The following MMP26 variants were observed in gnomAD, a reference collection of about 807,000 sequenced individuals.
MMP26 encodes matrix metallopeptidase 26.
Under a neutral mutation model 31.0 loss-of-function variants are expected in MMP26, and 33 were observed. The observed-to-expected ratio is 1.06, with a 90% CI of 0.81 to 1.42. MMP26 has a LOEUF of 1.42. MMP26 is among the 40% of genes most tolerant of loss of function. The probability of loss-of-function intolerance (pLI) is 0.00; values close to 1 mark genes in which losing one functional copy is unlikely to be tolerated. For missense variants in MMP26, 347 were observed against 316.1 expected (o/e 1.10, Z -0.74); for synonymous variants, 122 against 114.9 (o/e 1.06, Z -0.40).
At chr11:4,908,414 G>C in intron 2 of MMP26, 1 of 954,744 alleles carries the variant, frequency 1.0e-6, no homozygotes, top group South Asian at 1.4e-5. Flanking sequence ...GATGATGGAA[G>C]TGAAAAGCTA....
In MMP26 at chr11:4,899,627, A is replaced by T. The variant is rs112807487; in HGVS notation, c.-144-88441A>T. ...GAGACAACCAGTCAGCTATCTGGGTACTGAACATATTCTTCCATTCCTTCA... is the reference window on the plus strand; with the variant it reads ...GAGACAACCAGTCAGCTATCTGGGTTCTGAACATATTCTTCCATTCCTTCA... On this transcript the variant is annotated intron_variant, in intron 2 of 7. Coordinates refer to ENST00000380390, the MANE Select transcript of MMP26 (RefSeq NM_021801.5). Among the ~76,000 whole-genome samples the T allele has an allele frequency of 5.4e-3, 819 of 152,242 alleles. 13 individuals carry two copies. The highest frequency in any genetic ancestry group is 0.019 in the African/African-American group (773 of 41,548).
intron 2 of MMP26, chr11:4,875,916 C>G (rs1426922199): frequency 1.3e-5 from 2 of 152,140 alleles, no homozygotes; most frequent in East Asian, 3.9e-4. Flanking sequence ...CCCTTTAGTA[C>G]TCACAGACTC....
At chr11:4,977,008 ACCT>A (rs1564818067) in intron 2 of MMP26, among the ~76,000 whole-genome samples, 1 of 152,006 alleles carries the variant, frequency 6.6e-6, no homozygotes, top group Non-Finnish European at 1.5e-5. Flanking sequence ...GTTTAAGAGC[ACCT>A]GAATTTATTT....
At chr11:4,811,026 C>G (rs1361751121) in intron 2 of MMP26, among the ~76,000 whole-genome samples, 1 of 152,108 alleles carries the variant, frequency 6.6e-6, no homozygotes, top group Non-Finnish European at 1.5e-5. Flanking sequence ...TGGTAATGAT[C>G]AAGGTCACAA....
intron 1 of MMP26, among the ~76,000 whole-genome samples, chr11:4,763,645 G>C (rs1848594729): frequency 6.6e-6 from 1 of 152,144 alleles, no homozygotes; most frequent in Non-Finnish European, 1.5e-5. Context: ...ATATGTTATA[G>C]TGTTGATAAA....
At chr11:4,945,796 C>A in intron 2 of MMP26, 2 of 278,086 alleles carry the variant, frequency 7.2e-6, no homozygotes, top group South Asian at 4.2e-5. Context: ...AAAGAGACAG[C>A]TAATTTAGGT....
At chr11:4,730,000 T>TTTTTTTTTTTTTG (rs1848152063) in intron 1 of MMP26, among the ~76,000 whole-genome samples, 1 of 151,490 alleles carries the variant, frequency 6.6e-6, no homozygotes, top group Non-Finnish European at 1.5e-5. Context: ...CTCATTTTTG[T>TTTTTTTTTTTTTG]AGCTGGTCAT....
intron 2 of MMP26, among the ~76,000 whole-genome samples, chr11:4,811,893 G>C (rs1257656541): frequency 2.6e-5 from 4 of 152,100 alleles, no homozygotes; most frequent in African/African-American, 4.8e-5. Context: ...GAATTTTTCT[G>C]ATTGATCTTC....
intron 2 of MMP26, among the ~76,000 whole-genome samples, chr11:4,861,306 A>G (rs1002967047): frequency 2.7e-5 from 4 of 150,686 alleles, no homozygotes; most frequent in Non-Finnish European, 5.9e-5. Flanking sequence ...AAGTATATAC[A>G]TATATGCTTC....
chr11:4,961,477 T>C (rs1378241645), intron 2 of MMP26, among the ~76,000 whole-genome samples: 1 of 152,208 alleles, frequency 6.6e-6, no homozygotes, highest in Admixed American at 6.5e-5. Context: ...ACCAGGTTTC[T>C]AGCTATTCCT....
chr11:4,865,596 C>T (rs903389320), intron 2 of MMP26, among the ~76,000 whole-genome samples: 11 of 152,080 alleles, frequency 7.2e-5, no homozygotes, highest in Non-Finnish European at 7.4e-5. Context: ...CCTCCTCCTC[C>T]TCCTCCTCCT....
intron 2 of MMP26, among the ~76,000 whole-genome samples, chr11:4,896,283 T>A (rs957140074): frequency 3.5e-4 from 54 of 152,190 alleles, no homozygotes; most frequent in African/African-American, 1.3e-3. Context: ...TTTCTCTGCC[T>A]CAGTGCCCCA....
At chr11:4,943,345 T>A (rs1405212310) in intron 2 of MMP26, 1 of 348,730 alleles carries the variant, frequency 2.9e-6, no homozygotes, top group African/African-American at 2.2e-5. Flanking sequence ...CTTTCAGTTT[T>A]CTCAGTTTTT....
At chr11:4,991,154 C>A (rs1846995286) in intron 5 of MMP26, among the ~76,000 whole-genome samples, 1 of 152,162 alleles carries the variant, frequency 6.6e-6, no homozygotes, top group Non-Finnish European at 1.5e-5. Flanking sequence ...TACTCAGTGT[C>A]TGCCATCTGT....
chr11:4,771,812 A>C (rs958181307), intron 2 of MMP26, among the ~76,000 whole-genome samples: 1 of 152,220 alleles, frequency 6.6e-6, no homozygotes, highest in African/African-American at 2.4e-5. Flanking sequence ...ATATTTAAGT[A>C]TGAATTATTA....
chr11:4,804,815 AC>A (rs998792809), intron 2 of MMP26, among the ~76,000 whole-genome samples: 2 of 151,172 alleles, frequency 1.3e-5, no homozygotes, highest in South Asian at 4.2e-4. Flanking sequence ...ACAAAAAAAA[AC>A]CCCATTAGCC....
intron 2 of MMP26, among the ~76,000 whole-genome samples, chr11:4,868,278 G>A (rs955201618): frequency 1.3e-5 from 2 of 152,120 alleles, no homozygotes; most frequent in African/African-American, 2.4e-5. Context: ...AACTCAAATT[G>A]TCCCTGTTTG....
chr11:4,915,775 A>C, intron 2 of MMP26: 2 of 665,616 alleles, frequency 3.0e-6, no homozygotes, highest in East Asian at 2.7e-5. Context: ...AGAATCAAAT[A>C]TACCTAGAAC....
intron 2 of MMP26, among the ~76,000 whole-genome samples, chr11:4,898,506 C>G (rs55680836): frequency 6.6e-6 from 1 of 152,052 alleles, no homozygotes; most frequent in Admixed American, 6.5e-5. Flanking sequence ...TATTCTTTTA[C>G]TGTCCTGCAG....
Sources: allele counts gnomAD v4.1 joint callset (sites outside exome capture counted in the v4.1 genomes callset), GRCh38; gene constraint gnomAD v4.1.1; transcripts MANE v1.5; gene names NCBI Gene and HGNC (gene_info 2026-07-23, HGNC 2026-07-21).